Variants in VPS13B observed in about 807,000 individuals in gnomAD.
The protein encoded by VPS13B is vacuolar protein sorting 13 homolog B.
VPS13B carries 285 observed loss-of-function variants against 426.4 expected under a neutral mutation model. The ratio of observed to expected loss-of-function variants is 0.67; its 90% CI spans 0.61 to 0.74. The LOEUF (loss-of-function observed/expected upper bound fraction) is 0.74, where lower values mean the gene tolerates loss of function less well. Among genes scored for constraint, VPS13B ranks in the 30% least tolerant of loss-of-function variants. The pLI is 0.00. For missense variants in VPS13B, 4,537 were observed against 4,782.6 expected (o/e 0.95, Z 1.51); for synonymous variants, 1,676 against 1,676.4 (o/e 1.00, Z 0.01).
At chr8:99,163,353 C>G (rs572373864) in intron 15 of VPS13B, among the ~76,000 whole-genome samples, 1 of 152,346 alleles carries the variant, frequency 6.6e-6, no homozygotes, top group African/African-American at 2.4e-5. Context: ...GATCCCGCAC[C>G]GGGGCTGCAG....
intron 60 of VPS13B, 171 bp downstream of exon 60, chr8:99,871,058 T>C: frequency 1.4e-6 from 1 of 716,482 alleles, no homozygotes; most frequent in Non-Finnish European, 2.4e-6. Context: ...AAGAGGCTGC[T>C]GTTGCCAGGT....
At position 99,451,786 on chromosome 8, in the gene VPS13B, A is replaced by G. The variant is rs187223240; in HGVS notation, c.3445+9151A>G. ...TTATAGAATCCACTCACAAAGAAGTATTAAAGAATGAAGTAGAGTTTGCTG... is the reference window on the plus strand; with the variant it reads ...TTATAGAATCCACTCACAAAGAAGTGTTAAAGAATGAAGTAGAGTTTGCTG... On this transcript the variant is annotated intron_variant, in intron 23 of 61. Transcript: ENST00000357162. 4.3e-4 allele frequency among the ~76,000 whole-genome samples: 66 copies of G among 152,316 alleles called. No homozygotes were observed. In the Middle Eastern group the frequency reaches 0.01, roughly 24 times the overall value.
chr8:99,050,389 A>G (rs1335077259), intron 3 of VPS13B, among the ~76,000 whole-genome samples: 1 of 152,186 alleles, frequency 6.6e-6, no homozygotes, highest in Non-Finnish European at 1.5e-5. Context: ...GGAGCATAGT[A>G]TTCAATCGTG....
chr8:99,184,511 T>C (rs1473500590), intron 16 of VPS13B, among the ~76,000 whole-genome samples: 1 of 152,184 alleles, frequency 6.6e-6, no homozygotes, highest in Non-Finnish European at 1.5e-5. Context: ...TAATAAGACA[T>C]TTATTACACT....
intron 19 of VPS13B, among the ~76,000 whole-genome samples, chr8:99,381,954 A>G (rs1762467626): frequency 6.6e-6 from 1 of 151,864 alleles, no homozygotes; most frequent in Admixed American, 6.6e-5. Flanking sequence ...GGACTTTTAT[A>G]GTTTTGAGTT....
At chr8:99,426,059 C>T (rs935124685) in intron 21 of VPS13B, among the ~76,000 whole-genome samples, 1 of 126,574 alleles carries the variant, frequency 7.9e-6, no homozygotes. Context: ...TATCCCTCCC[C>T]CCCTCCCCCC....
At position 99,809,530 on chromosome 8, in the gene VPS13B, G is replaced by A. The variant is rs1209338479; in HGVS notation, c.8097G>A (p.Gln2699=). ...KVQQLNGVQK[Q]IIICGRQIIC... is the part of the protein sequence containing the mutation. ...AGCAACTCAATGGAGTACAAAAACA[G>A]GTAAGTTTCTTTGTGTTCATGACCC... Residue 2699 remains glutamine, a splice_region_variant and synonymous_variant, in exon 44 of 62, where the codon CAG becomes CAA. Coordinates refer to ENST00000357162, the MANE Select transcript of VPS13B (RefSeq NM_152564.5). 3 of 1,613,904 alleles carry A rather than the reference G, an allele frequency of 1.9e-6. No individual in the cohort carries two copies. The highest frequency in any genetic ancestry group is 1.7e-5 in the Admixed American group (1 of 60,000).
Position 99,835,575 on chromosome 8 carries a change from C to T in VPS13B, c.9779C>T (p.Pro3260Leu), listed in dbSNP as rs1815348001. Residue 3260 changes from proline to leucine, a missense_variant, in exon 54 of 62, where the codon CCC becomes CTC. This residue lies in a region of VPS13B where 4,311 missense variants were observed against 4,474.3 expected (regional missense o/e 0.96). Transcript: ENST00000357162. ...PKFEVYCKKI[P>L]SECSIHHELY... ...TTTGAGGTTTATTGCAAAAAAATTC[C>T]CTCCGAGTGCTCAATTCATCATGAG... The T allele has an allele frequency of 6.2e-7, 1 of 1,614,048 alleles. No homozygotes were observed. Among genetic ancestry groups the T allele is most frequent in the Non-Finnish European group, 8.5e-7 (1 of 1,180,006 alleles).
In VPS13B at chr8:99,051,734, G is replaced by A. The variant is rs555030138; in HGVS notation, c.291+13168G>A. Among the ~76,000 whole-genome samples the A allele has an allele frequency of 1.1e-4, 17 of 152,270 alleles. No individual in the cohort carries two copies. In the South Asian group the frequency reaches 3.3e-3, roughly 30 times the overall value. ...GCAGTGGTTTATAGTTCTCCTTGAA[G>A]AGGTCCTTCACATCCCTTGTAAGTT... is the stretch of plus-strand genomic sequence containing the variant. On this transcript the variant is annotated intron_variant, in intron 3 of 61. Transcript: ENST00000357162.
In VPS13B at chr8:99,014,747, C is replaced by T. The variant is rs117956603; in HGVS notation, c.147+812C>T. Among the ~76,000 whole-genome samples the T allele has an allele frequency of 6.8e-4, 103 of 150,972 alleles. 2 individuals are homozygous for T. The East Asian group carries it at 0.017, about 26-fold the overall frequency. ...GATCATGAGGAAAGATGACATTTCC[C>T]ACGGCATCCTCAGAGTGTTGAGTAG... On this transcript the variant is annotated intron_variant, in intron 2 of 61. Transcript: ENST00000357162.
intron 23 of VPS13B, among the ~76,000 whole-genome samples, chr8:99,456,190 G>A (rs1490381328): frequency 6.6e-6 from 1 of 151,868 alleles, no homozygotes; most frequent in South Asian, 2.1e-4. Flanking sequence ...TTTTTTTGAG[G>A]CAGAGTCTCA....
intron 19 of VPS13B, among the ~76,000 whole-genome samples, chr8:99,278,108 C>A (rs1049007613): frequency 6.6e-5 from 10 of 152,014 alleles, no homozygotes; most frequent in African/African-American, 2.4e-4. Context: ...GAACTTTTCC[C>A]ATGGTCTTAT....
rs117340815 is a variant in VPS13B at position 99,337,889 on chromosome 8, G to A, written c.2825-46319G>A. 7.0e-3 allele frequency among the ~76,000 whole-genome samples: 1,068 copies of A among 152,068 alleles called. 4 individuals carry two copies. The highest frequency in any genetic ancestry group is 0.011 in the Non-Finnish European group (759 of 67,964). ...AAAATCAAGTTTTATAAATAGTTGT[G>A]AGGTAGAGATCAAGTTTTTGTTTTT... is the stretch of plus-strand genomic sequence containing the variant. On this transcript the variant is annotated intron_variant, in intron 19 of 61. Coordinates refer to ENST00000357162, the MANE Select transcript of VPS13B (RefSeq NM_152564.5).
intron 39 of VPS13B, among the ~76,000 whole-genome samples, chr8:99,747,700 A>G (rs149093656): frequency 1.4e-3 from 220 of 152,148 alleles, no homozygotes; most frequent in African/African-American, 4.9e-3. Context: ...TTATTGTTCT[A>G]TTGAGGAAAA....
At chr8:99,504,562 C>T (rs1821399608) in intron 27 of VPS13B, among the ~76,000 whole-genome samples, 1 of 152,150 alleles carries the variant, frequency 6.6e-6, no homozygotes, top group Non-Finnish European at 1.5e-5. Context: ...CAATGAGCTA[C>T]TGCTCATTTA....
At chr8:99,648,915 G>A (rs1829696850) in intron 34 of VPS13B, among the ~76,000 whole-genome samples, 1 of 150,526 alleles carries the variant, frequency 6.6e-6, no homozygotes, top group African/African-American at 2.4e-5. Context: ...AGAGCTGCTA[G>A]CAATAAATAC....
chr8:99,552,266 T>C (rs1824318652), intron 30 of VPS13B, among the ~76,000 whole-genome samples: 1 of 152,190 alleles, frequency 6.6e-6, no homozygotes, highest in African/African-American at 2.4e-5. Context: ...ATATTTTATG[T>C]TTGCTAGTCT....
chr8:99,121,453 T>G lies in VPS13B; in HGVS notation c.1206+8T>G, dbSNP rs889247005. On this transcript the variant is annotated splice_region_variant and intron_variant, in intron 8 of 61. Coordinates refer to ENST00000357162, the MANE Select transcript of VPS13B (RefSeq NM_152564.5). The stretch of plus-strand genomic sequence containing the variant: ...GCAACGGTGACTTTCAAAGTAGGTC[T>G]TTTCTCTTGCTGTTTATATCTCTAT... The G allele has an allele frequency of 6.2e-7, 1 of 1,613,920 alleles. No homozygotes were observed. Among genetic ancestry groups the G allele is most frequent in the Non-Finnish European group, 8.5e-7 (1 of 1,179,958 alleles).
chr8:99,658,245 A>G (rs1667644), intron 34 of VPS13B, among the ~76,000 whole-genome samples: 20,694 of 152,206 alleles, frequency 0.14, 1,962 homozygotes, highest in East Asian at 0.39. Context: ...AAGCATCAGA[A>G]TACAGTTAAA....
Sources: gnomAD v4.1 joint callset for allele counts (sites outside exome capture counted in the v4.1 genomes callset) on GRCh38, gnomAD v4.1.1 for gene constraint, gnomAD v4.1.1 regional missense constraint, MANE v1.5 for transcripts, NCBI Gene and HGNC (gene_info 2026-07-23, HGNC 2026-07-21) for gene names.